The following MCF2L variants were observed in gnomAD, a reference collection of about 807,000 sequenced individuals.
MCF2L encodes guanine nucleotide exchange factor DBS.
In MCF2L, 97 loss-of-function variants were observed where a neutral mutation model predicts 153.4. The ratio of observed to expected loss-of-function variants is 0.63; its 90% CI spans 0.54 to 0.75. The LOEUF (loss-of-function observed/expected upper bound fraction) is 0.75, where lower values mean the gene tolerates loss of function less well. Ranked by LOEUF, MCF2L falls within the 30% of genes least tolerant of loss-of-function variation. The probability of loss-of-function intolerance (pLI) is 0.00; values close to 1 mark genes in which losing one functional copy is unlikely to be tolerated. For synonymous variants in MCF2L, 659 were observed against 632.2 expected, an observed-to-expected ratio of 1.04 and a Z score of -0.64; for missense variants, 1,347 against 1,495.2, an observed-to-expected ratio of 0.90 and a Z score of 1.64.
At chr13:113,032,565 A>G (rs113424599) in intron 3 of MCF2L, among the ~76,000 whole-genome samples, 3,599 of 150,320 alleles carry the variant, frequency 0.024, 129 homozygotes, top group African/African-American at 0.082. Flanking sequence ...CTTTCATTTT[A>G]TATATTTTTT....
At chr13:112,968,542 C>A, upstream of MCF2L, 1 of 1,555,426 alleles carries the variant, frequency 6.4e-7, no homozygotes, top group Non-Finnish European at 8.6e-7. Flanking sequence ...AGGCGATGCC[C>A]CTGCGGGGAG....
intron 2 of MCF2L, among the ~76,000 whole-genome samples, chr13:112,915,124 T>C (rs2081277261): frequency 6.6e-6 from 1 of 152,052 alleles, no homozygotes; most frequent in African/African-American, 2.4e-5. Flanking sequence ...AAAATCTCCA[T>C]GTTGGCCGGG....
At chr13:113,050,246 G>C (rs112392736) in intron 4 of MCF2L, among the ~76,000 whole-genome samples, 3,622 of 149,268 alleles carry the variant, frequency 0.024, 64 homozygotes, top group Non-Finnish European at 0.037. Flanking sequence ...GTGTGTGCGC[G>C]AGTGGGAGTG....
chr13:112,968,454 T>C, upstream of MCF2L: 1 of 1,589,246 alleles, frequency 6.3e-7, no homozygotes, highest in Non-Finnish European at 8.5e-7. Context: ...CAGTGTGGCT[T>C]GGTGCCAACC....
Position 113,074,319 on chromosome 13 carries a change from C to G in MCF2L, c.997-125C>G, listed in dbSNP as rs1278125216. On this transcript the variant is annotated intron_variant, in intron 9 of 29. Transcript: ENST00000535094. This position sits in a 1 kb window ranked among gnomAD's most constrained non-coding sequence, Gnocchi z 4.2. ...TGCACCTGTCTGACTGTGGTCCCTG[C>G]TTGATTGATGACCACTTGGCCCGAC... The G allele has an allele frequency of 2.4e-6, 3 of 1,249,520 alleles. No homozygotes were observed. In the African/African-American group the frequency reaches 4.4e-5, roughly 18 times the overall value. The allele number at this position is 1,249,520 out of a possible 1,614,324, so 77.4% of individuals were successfully genotyped here. A position where few individuals can be genotyped will look rare whatever the true frequency, so the allele number is the denominator to read the frequency against.
At chr13:112,898,967 C>A (rs187376059) in intron 1 of MCF2L, among the ~76,000 whole-genome samples, 1 of 152,322 alleles carries the variant, frequency 6.6e-6, no homozygotes, top group African/African-American at 2.4e-5. Context: ...CAGGGAGCAC[C>A]GGGCAGGGCC....
intron 2 of MCF2L, chr13:112,917,496 G>T (rs971718316): frequency 9.7e-6 from 3 of 307,742 alleles, no homozygotes; most frequent in South Asian, 2.9e-5. Context: ...CCGCCGTCTC[G>T]CAGAACAGCA....
upstream of MCF2L, chr13:112,968,325 T>G (rs1566668206): frequency 2.6e-6 from 3 of 1,157,722 alleles, no homozygotes; most frequent in Non-Finnish European, 2.4e-6. Flanking sequence ...GCTGCGGTTT[T>G]GGGCGAGGAG....
chr13:113,072,726 A>G (rs1200561079), intron 9 of MCF2L, among the ~76,000 whole-genome samples: 1 of 152,060 alleles, frequency 6.6e-6, no homozygotes, highest in East Asian at 1.9e-4. Context: ...TGTAATTTGC[A>G]TCTTTTCCTT....
At position 113,065,166 on chromosome 13, in the gene MCF2L, C is replaced by T. The variant is rs544150704; in HGVS notation, c.756+81C>T. 2.4e-5 allele frequency: 37 copies of T among 1,536,480 alleles called. 1 individual carries two copies. Among genetic ancestry groups the T allele is most frequent in the East Asian group, 2.1e-4 (9 of 43,418 alleles). ...TGCGCGGGGCTCCGGTCGGAAGCTG[C>T]GGGGGGTCTTTCGTCCCAGCGGGAG... is the stretch of plus-strand genomic sequence containing the variant. On this transcript the variant is annotated intron_variant, in intron 7 of 29. Coordinates refer to ENST00000535094, the MANE Select transcript of MCF2L (RefSeq NM_001112732.3).
chr13:112,989,183 GGAGTCCT>G (rs2082791081), intron 1 of MCF2L, among the ~76,000 whole-genome samples: 3 of 22,774 alleles, frequency 1.3e-4, no homozygotes, highest in Admixed American at 4.1e-4. Context: ...CTACCACACC[GGAGTCCT>G]CCCTGAGCAG....
chr13:112,962,213 A>C (rs2081838817), intron 2 of MCF2L, among the ~76,000 whole-genome samples: 1 of 86,686 alleles, frequency 1.2e-5, no homozygotes. Context: ...ACACACTTGC[A>C]CACAGTCACA....
intron 2 of MCF2L, among the ~76,000 whole-genome samples, chr13:112,939,854 C>T (rs546781157): frequency 6.6e-6 from 1 of 152,162 alleles, no homozygotes; most frequent in East Asian, 1.9e-4. Flanking sequence ...CCTGTAATCC[C>T]AGCTACGTGG....
chr13:113,049,544 C>G (rs772175958), intron 4 of MCF2L, among the ~76,000 whole-genome samples: 89 of 152,354 alleles, frequency 5.8e-4, no homozygotes, highest in Non-Finnish European at 1.1e-3. Context: ...CAGGCCTTGA[C>G]AGCGAGCTTT....
chr13:112,917,211 C>A (rs922057458), intron 2 of MCF2L: 3 of 470,192 alleles, frequency 6.4e-6, no homozygotes, highest in South Asian at 3.1e-5. Flanking sequence ...GGCACTGCAC[C>A]GCCCTGCCTC....
chr13:112,897,693 C>A (rs1252875413), intron 1 of MCF2L, among the ~76,000 whole-genome samples: 2 of 152,222 alleles, frequency 1.3e-5, no homozygotes, highest in Non-Finnish European at 2.9e-5. Context: ...GTTTTCTTCG[C>A]AGTCACCATC....
At chr13:112,938,104 AG>A (rs2081538563) in intron 2 of MCF2L, among the ~76,000 whole-genome samples, 1 of 140,146 alleles carries the variant, frequency 7.1e-6, no homozygotes, top group Non-Finnish European at 1.6e-5. Flanking sequence ...TGATTGGTTC[AG>A]GTGAGCGCTG....
At chr13:113,015,200 C>A (rs960278534) in intron 2 of MCF2L, among the ~76,000 whole-genome samples, 5 of 152,234 alleles carry the variant, frequency 3.3e-5, no homozygotes, top group African/African-American at 1.2e-4. Context: ...CATCTGGGCA[C>A]CTCCCAGGCC....
intron 1 of MCF2L, among the ~76,000 whole-genome samples, chr13:112,977,152 C>A (rs1249827610): frequency 6.6e-6 from 1 of 152,214 alleles, no homozygotes; most frequent in Non-Finnish European, 1.5e-5. Flanking sequence ...AATGGAGTGG[C>A]TAATGTAAGA....
Sources: gnomAD v4.1 joint callset for allele counts (sites outside exome capture counted in the v4.1 genomes callset) on GRCh38, gnomAD v4.1.1 for gene constraint, Gnocchi (gnomAD v3.1) non-coding constraint, MANE v1.5 for transcripts, NCBI Gene and HGNC (gene_info 2026-07-23, HGNC 2026-07-21) for gene names.